RAPGEF2: variants seen among roughly 807,000 people sequenced by gnomAD.
The protein encoded by RAPGEF2 is PDZ domain containing guanine nucleotide exchange factor (GEF) 1.
Under a neutral mutation model 186.7 loss-of-function variants are expected in RAPGEF2, and 54 were observed. That is an observed-to-expected ratio of 0.29 (90% CI 0.23 to 0.36). RAPGEF2 has a LOEUF of 0.36. RAPGEF2 is among the 10% of genes least tolerant of loss of function. The pLI is 1.00. For missense variants in RAPGEF2, 1,532 were observed against 2,045.0 expected (o/e 0.75, Z 4.84); for synonymous variants, 712 against 705.9 (o/e 1.01, Z -0.14).
chr4:159,111,593 G>A (rs545897015), intron 1 of RAPGEF2, among the ~76,000 whole-genome samples: 1 of 152,314 alleles, frequency 6.6e-6, no homozygotes, highest in East Asian at 1.9e-4. Flanking sequence ...GTCATTCTGG[G>A]GAGGTCTGAT....
chr4:159,329,516 T>C (rs1766375290), intron 11 of RAPGEF2: 1 of 157,478 alleles, frequency 6.4e-6, no homozygotes, highest in Admixed American at 6.5e-5. Context: ...AGTTTTTACA[T>C]CTATTCTCCT....
chr4:159,140,345 T>C (rs1161727451), intron 1 of RAPGEF2, among the ~76,000 whole-genome samples: 2 of 152,240 alleles, frequency 1.3e-5, no homozygotes, highest in African/African-American at 4.8e-5. Context: ...AAAATTACTC[T>C]TCCCCTCCTG....
intron 1 of RAPGEF2, among the ~76,000 whole-genome samples, chr4:159,143,775 TCTCTGA>T (rs1218357419): frequency 1.3e-5 from 2 of 152,192 alleles, no homozygotes; most frequent in Non-Finnish European, 2.9e-5. Context: ...AAAAATGTTT[TCTCTGA>T]CTCTGAGCAA....
intron 7 of RAPGEF2, among the ~76,000 whole-genome samples, chr4:159,291,774 T>G (rs999027868): frequency 1.4e-5 from 2 of 142,594 alleles, no homozygotes; most frequent in African/African-American, 5.7e-5. Flanking sequence ...CAAGACAAGC[T>G]TTAGTGCTGT....
intron 1 of RAPGEF2, among the ~76,000 whole-genome samples, chr4:159,131,097 T>TGAGAGAGA (rs10596468): frequency 5.4e-5 from 8 of 148,216 alleles, no homozygotes; most frequent in African/African-American, 2.0e-4. Flanking sequence ...TGTGTGTGTG[T>TGAGAGAGA]GAGAGAGAGA....
chr4:159,174,598 G>A (rs1335210758), intron 1 of RAPGEF2, among the ~76,000 whole-genome samples: 2 of 152,274 alleles, frequency 1.3e-5, no homozygotes, highest in African/African-American at 4.8e-5. Flanking sequence ...GTCTAAAAAA[G>A]CATGCCTTTT....
chr4:159,255,369 T>A (rs184838025), intron 7 of RAPGEF2, among the ~76,000 whole-genome samples: 2,460 of 152,024 alleles, frequency 0.016, 16 homozygotes, highest in Middle Eastern at 0.068. Context: ...TTTTTTTTTT[T>A]AACTGGTGCC....
chr4:159,169,608 C>T (rs557947091), intron 1 of RAPGEF2, among the ~76,000 whole-genome samples: 1 of 151,666 alleles, frequency 6.6e-6, no homozygotes, highest in South Asian at 2.1e-4. Context: ...CCCCTTGTGA[C>T]CACTGTGGGA....
intron 7 of RAPGEF2, among the ~76,000 whole-genome samples, chr4:159,302,725 C>G (rs192174867): frequency 2.0e-5 from 3 of 151,992 alleles, no homozygotes; most frequent in Non-Finnish European, 2.9e-5. Flanking sequence ...TTGCCTATCC[C>G]TTACAGATAA....
intron 7 of RAPGEF2, among the ~76,000 whole-genome samples, chr4:159,275,226 A>C (rs545279411): frequency 6.6e-6 from 1 of 152,206 alleles, no homozygotes; most frequent in South Asian, 2.1e-4. Context: ...TATGCTTCAG[A>C]TCTCTTCATT....
intron 9 of RAPGEF2, among the ~76,000 whole-genome samples, chr4:159,321,371 T>C (rs975719651): frequency 1.3e-5 from 2 of 152,084 alleles, no homozygotes; most frequent in African/African-American, 4.8e-5. Flanking sequence ...CACAGATGGC[T>C]AATTTTTAAA....
chr4:159,179,542 G>T (rs1004505206), intron 1 of RAPGEF2, among the ~76,000 whole-genome samples: 1 of 152,196 alleles, frequency 6.6e-6, no homozygotes, highest in Non-Finnish European at 1.5e-5. Flanking sequence ...GCACATTTCA[G>T]GTTGGTTTGA....
chr4:159,216,409 G>T (rs1750998391), intron 4 of RAPGEF2, among the ~76,000 whole-genome samples: 1 of 152,042 alleles, frequency 6.6e-6, no homozygotes, highest in Non-Finnish European at 1.5e-5. Flanking sequence ...CTTTTAAGGG[G>T]GTATTTTCTG....
chr4:159,161,254 G>T lies in RAPGEF2; in HGVS notation c.70-25388G>T, dbSNP rs538191420. Among the ~76,000 whole-genome samples the T allele has an allele frequency of 3.3e-5, 5 of 152,244 alleles. No individual in the cohort carries two copies. In the South Asian group the frequency reaches 1.0e-3, roughly 32 times the overall value. ...GAACTTCGTAATAATATTTTCTCTG[G>T]TATTAGTTTCAGAAAGCCAGTGATT... On this transcript the variant is annotated intron_variant, in intron 1 of 29. Coordinates refer to ENST00000691494, the MANE Select transcript of RAPGEF2 (RefSeq NM_001394067.2).
intron 1 of RAPGEF2, among the ~76,000 whole-genome samples, chr4:159,125,675 G>T (rs148476816): frequency 6.6e-6 from 1 of 151,760 alleles, no homozygotes; most frequent in African/African-American, 2.4e-5. Context: ...GGAGAATGGC[G>T]TGAACATGGG....
chr4:159,306,268 A>G (rs1259266914), intron 8 of RAPGEF2, among the ~76,000 whole-genome samples: 1 of 151,854 alleles, frequency 6.6e-6, no homozygotes, highest in African/African-American at 2.4e-5. Context: ...TGAGCATGGG[A>G]TGTTTTCTCA....
chr4:159,230,737 T>C (rs1238779795), intron 4 of RAPGEF2, among the ~76,000 whole-genome samples: 2 of 152,178 alleles, frequency 1.3e-5, no homozygotes, highest in Non-Finnish European at 2.9e-5. Context: ...TTCACTCAAC[T>C]AGCTAGTGAG....
In RAPGEF2 at chr4:159,350,267, TC is replaced by T; in HGVS notation, c.3845del (p.Pro1282HisfsTer64). On this transcript the variant is annotated frameshift_variant, in exon 26 of 30. Transcript: ENST00000691494. LOFTEE classifies it high-confidence loss of function. ...CGCAGCTTTCTTCTCCTCCTACTTC[TC>T]CACAGAGTTCTCCAAGGAAAGGTAG... Reference protein sequence around the residue: ...SSQLSSPPTSPQSSPRKGYTL... With the variant: ...SSQLSSPPTSXQSSPRKGYTL... 1 of 1,586,094 alleles carries T rather than the reference TC, an allele frequency of 6.3e-7. No homozygotes were observed. Among genetic ancestry groups the T allele is most frequent in the Non-Finnish European group, 8.6e-7 (1 of 1,168,394 alleles).
At chr4:159,131,520 T>TAG (rs1553997069) in intron 1 of RAPGEF2, among the ~76,000 whole-genome samples, 1 of 54,448 alleles carries the variant, frequency 1.8e-5, no homozygotes, top group Non-Finnish European at 3.5e-5. Context: ...TTAATTGCTA[T>TAG]TTTTTTTTTT....
Sources: gnomAD v4.1 joint callset for allele counts (sites outside exome capture counted in the v4.1 genomes callset) on GRCh38, gnomAD v4.1.1 for gene constraint, MANE v1.5 for transcripts, NCBI Gene and HGNC (gene_info 2026-07-23, HGNC 2026-07-21) for gene names.